NNMT: variants seen among roughly 807,000 people sequenced by gnomAD.
NNMT encodes nicotinamide N-methyltransferase.
A neutral mutation model predicts 11.7 loss-of-function variants in NNMT; 10 were observed. The ratio of observed to expected loss-of-function variants is 0.85; its 90% CI spans 0.53 to 1.45. The LOEUF (loss-of-function observed/expected upper bound fraction) is 1.45. Ranked by LOEUF, NNMT falls within the 40% of genes most tolerant of loss-of-function variation. The pLI is 0.00. For missense variants in NNMT, 381 were observed against 319.4 expected, an observed-to-expected ratio of 1.19 and a Z score of -1.47; for synonymous variants, 143 against 133.8, an observed-to-expected ratio of 1.07 and a Z score of -0.48.
chr11:114,294,948 A>T (rs1173764571), upstream of NNMT, among the ~76,000 whole-genome samples: 1 of 152,220 alleles, frequency 6.6e-6, no homozygotes, highest in East Asian at 1.9e-4. Flanking sequence ...ACGCCCTGGC[A>T]TAAGGGCCAC....
intron 1 of NNMT, among the ~76,000 whole-genome samples, chr11:114,259,158 C>T (rs1358434934): frequency 3.3e-5 from 5 of 152,156 alleles, no homozygotes; most frequent in Non-Finnish European, 5.9e-5. Context: ...ACATGATAGG[C>T]ACCCGGTAAA....
intron 2 of NNMT, among the ~76,000 whole-genome samples, chr11:114,270,741 G>A (rs942855636): frequency 6.6e-6 from 1 of 151,904 alleles, no homozygotes; most frequent in Non-Finnish European, 1.5e-5. Context: ...ACTGGATTAG[G>A]GCCCTATTCT....
At chr11:114,301,858 A>G (rs1213754472) in intron 2 of NNMT, among the ~76,000 whole-genome samples, 2 of 151,920 alleles carry the variant, frequency 1.3e-5, no homozygotes, top group Non-Finnish European at 2.9e-5. Flanking sequence ...TTTTTAAAAA[A>G]TGACAGCTTT....
chr11:114,307,441 G>A (rs986049762), intron 2 of NNMT, among the ~76,000 whole-genome samples: 1 of 151,810 alleles, frequency 6.6e-6, no homozygotes, highest in African/African-American at 2.4e-5. Context: ...ATTTCTTCCC[G>A]TGTTTACCAT....
chr11:114,270,345 C>T (rs1427388280), intron 2 of NNMT: 1 of 152,076 alleles, frequency 6.6e-6, no homozygotes. Flanking sequence ...AAACCTGTGC[C>T]CTTTCCCTGG....
At chr11:114,288,267 A>G (rs1945312389) in intron 2 of NNMT, among the ~76,000 whole-genome samples, 1 of 151,988 alleles carries the variant, frequency 6.6e-6, no homozygotes, top group African/African-American at 2.4e-5. Flanking sequence ...GGTATTTGTT[A>G]ACATTTTTGT....
chr11:114,265,835 GTTA>G (rs146596335), intron 2 of NNMT, among the ~76,000 whole-genome samples: 9 of 151,744 alleles, frequency 5.9e-5, no homozygotes, highest in Non-Finnish European at 1.2e-4. Flanking sequence ...TGTCCAATCT[GTTA>G]TTATTATTAT....
At chr11:114,296,229 C>T, upstream of NNMT, 1 of 216,216 alleles carries the variant, frequency 4.6e-6, no homozygotes, top group Non-Finnish European at 9.2e-6. Flanking sequence ...CAAGTGCTCC[C>T]TCTGGTCTAC....
intron 2 of NNMT, among the ~76,000 whole-genome samples, chr11:114,282,215 C>A (rs1304228451): frequency 6.6e-6 from 1 of 152,090 alleles, no homozygotes; most frequent in Non-Finnish European, 1.5e-5. Flanking sequence ...CAGAGTGAGA[C>A]CCTGTCTCAA....
chr11:114,303,806 G>A (rs796961951), intron 2 of NNMT, among the ~76,000 whole-genome samples: 1 of 151,908 alleles, frequency 6.6e-6, no homozygotes, highest in South Asian at 2.1e-4. Context: ...TGACCTCCTG[G>A]GCTCAGGTGA....
In NNMT at chr11:114,312,109, G is replaced by A; in HGVS notation, c.427G>A (p.Val143Met). 7 of 1,612,242 alleles carry A rather than the reference G, an allele frequency of 4.3e-6. No individual in the cohort carries two copies. Among genetic ancestry groups the A allele is most frequent in the East Asian group, 2.2e-5 (1 of 44,832 alleles). Residue 143 changes from valine (V) to methionine (M), a missense_variant, in exon 3 of 3, where the codon GTG becomes ATG. By Grantham distance (21) the Val-to-Met change is conservative (BLOSUM62 1). Transcript: ENST00000299964. ...QAVKQVLKCD[V>M]TQSQPLGAVP... ...GGTCAAGCAGGTGCTGAAGTGTGAT[G>A]TGACTCAGAGCCAGCCACTGGGGGC...
intron 2 of NNMT, among the ~76,000 whole-genome samples, chr11:114,302,591 T>C (rs1301504567): frequency 6.6e-6 from 1 of 152,234 alleles, no homozygotes; most frequent in African/African-American, 2.4e-5. Flanking sequence ...TAATTTTGAT[T>C]TTTAAAATAA....
chr11:114,274,248 C>T (rs547264804), intron 2 of NNMT, among the ~76,000 whole-genome samples: 37 of 152,296 alleles, frequency 2.4e-4, no homozygotes, highest in African/African-American at 6.3e-4. Context: ...AGCCATGCTT[C>T]GATACTGACG....
chr11:114,301,688 G>A (rs903886324), intron 2 of NNMT, among the ~76,000 whole-genome samples: 1 of 151,884 alleles, frequency 6.6e-6, no homozygotes, highest in Non-Finnish European at 1.5e-5. Flanking sequence ...CTATAATGGT[G>A]GACACATGTC....
At chr11:114,308,015 A>G (rs141101997) in intron 2 of NNMT, among the ~76,000 whole-genome samples, 1 of 152,106 alleles carries the variant, frequency 6.6e-6, no homozygotes, top group Non-Finnish European at 1.5e-5. Flanking sequence ...CCCGTCTACA[A>G]TCTCCATGAG....
At chr11:114,258,880 C>A (rs1360909008) in intron 1 of NNMT, among the ~76,000 whole-genome samples, 1 of 149,216 alleles carries the variant, frequency 6.7e-6, no homozygotes, top group South Asian at 2.1e-4. Context: ...TGGGCCTGTG[C>A]GTGTGCTGTT....
chr11:114,312,812 T>G lies in NNMT; in HGVS notation c.*335T>G. 4.0e-6 allele frequency: 1 copy of G among 247,528 alleles called. No homozygotes were observed. Among genetic ancestry groups the G allele is most frequent in the Non-Finnish European group, 7.9e-6 (1 of 127,184 alleles). The allele number at this position is 247,528 out of a possible 1,614,324, so 15.3% of individuals were successfully genotyped here. On this transcript the variant is annotated 3_prime_UTR_variant, in exon 3 of 3. Transcript: ENST00000299964. ...CAGAGAAGTGTCTGCAGTTACTCAC[T>G]ATTAGTTTCCTAAGGGGGCACTGCT...
At chr11:114,268,315 C>A (rs945537017) in intron 2 of NNMT, among the ~76,000 whole-genome samples, 2 of 152,184 alleles carry the variant, frequency 1.3e-5, no homozygotes, top group Non-Finnish European at 2.9e-5. Context: ...TCCAGCCTCT[C>A]CCAGCTAGGC....
intron 2 of NNMT, among the ~76,000 whole-genome samples, chr11:114,275,927 T>G (rs553594825): frequency 8.6e-5 from 13 of 152,010 alleles, no homozygotes; most frequent in African/African-American, 3.1e-4. Flanking sequence ...GAGGTAAGCT[T>G]GACCCAGCTG....
Sources: allele counts gnomAD v4.1 joint callset (sites outside exome capture counted in the v4.1 genomes callset), GRCh38; gene constraint gnomAD v4.1.1; transcripts MANE v1.5; gene names NCBI Gene and HGNC (gene_info 2026-07-23, HGNC 2026-07-21).